Variants in WDFY3 observed in about 807,000 individuals in gnomAD.
The protein encoded by WDFY3 is WD repeat and FYVE domain-containing protein 3.
In WDFY3, 66 loss-of-function variants were observed where a neutral mutation model predicts 409.6. That is an observed-to-expected ratio of 0.16 (90% CI 0.13 to 0.20). The LOEUF is 0.20. Ranked by LOEUF, WDFY3 falls within the 10% of genes least tolerant of loss-of-function variation. The probability of loss-of-function intolerance (pLI) is 1.00; values close to 1 mark genes in which losing one functional copy is unlikely to be tolerated. For synonymous variants in WDFY3, 1,521 were observed against 1,537.1 expected (o/e 0.99, Z 0.25); for missense variants, 3,031 against 4,298.1 (o/e 0.71, Z 8.24).
chr4:84,678,891 G>T, intron 65 of WDFY3, 28 bp downstream of exon 65: 2 of 1,588,736 alleles, frequency 1.3e-6, no homozygotes, highest in South Asian at 1.2e-5. Flanking sequence ...TATAAGGAGT[G>T]AGAAATAGAT....
At chr4:84,864,197 T>C (rs1761054305) in intron 3 of WDFY3, among the ~76,000 whole-genome samples, 1 of 151,810 alleles carries the variant, frequency 6.6e-6, no homozygotes, top group Non-Finnish European at 1.5e-5. Context: ...TGAAATCCTG[T>C]CTCTACTAAA....
chr4:84,925,614 G>C (rs1464817964), intron 2 of WDFY3, among the ~76,000 whole-genome samples: 1 of 152,146 alleles, frequency 6.6e-6, no homozygotes, highest in East Asian at 1.9e-4. Context: ...TTTGAAAAAA[G>C]CTATAAAGGA....
chr4:84,675,445 G>T (rs1035302193), intron 67 of WDFY3, among the ~76,000 whole-genome samples: 15 of 152,174 alleles, frequency 9.9e-5, no homozygotes, highest in African/African-American at 3.6e-4. Flanking sequence ...GCCAGACTCT[G>T]AACTTGGTGC....
intron 3 of WDFY3, among the ~76,000 whole-genome samples, chr4:84,864,689 T>C (rs1285705287): frequency 6.6e-6 from 1 of 152,170 alleles, no homozygotes; most frequent in Admixed American, 6.5e-5. Context: ...AGTACGATAG[T>C]GAAATAGAAC....
Position 84,691,755 on chromosome 4 carries a change from C to G in WDFY3, c.9080G>C (p.Cys3027Ser). Residue 3027 changes from cysteine (C) to serine (S), a missense_variant, in exon 60 of 68, where the codon TGT (cysteine) becomes TCT (serine). Coordinates refer to ENST00000295888, the MANE Select transcript of WDFY3 (RefSeq NM_014991.6). ...ELKEPVGQIV[C>S]TDKGILAVEQ... is the part of the protein sequence containing the mutation. Reference sequence around the variant, plus strand: ...CACCGCAAGAATACCTTTATCTGTACATACGATTTGTCCTACAGGTTCTTT... The same window carrying G: ...CACCGCAAGAATACCTTTATCTGTAGATACGATTTGTCCTACAGGTTCTTT... The G allele has an allele frequency of 6.2e-7, 1 of 1,613,788 alleles. No individual in the cohort carries two copies. Among genetic ancestry groups the G allele is most frequent in the Non-Finnish European group, 8.5e-7 (1 of 1,179,762 alleles).
chr4:84,699,471 T>C (rs868314957), intron 56 of WDFY3, among the ~76,000 whole-genome samples: 7 of 152,236 alleles, frequency 4.6e-5, no homozygotes, highest in African/African-American at 1.7e-4. Context: ...TTGATAGACA[T>C]CTGGGCTGTT....
At chr4:84,959,452 G>T (rs1774649611) in intron 1 of WDFY3, among the ~76,000 whole-genome samples, 1 of 152,174 alleles carries the variant, frequency 6.6e-6, no homozygotes, top group Admixed American at 6.5e-5. Flanking sequence ...TAATACTTCA[G>T]CAGGGAAATA....
Position 84,814,362 on chromosome 4 carries a change from T to C in WDFY3, c.1887+3030A>G, listed in dbSNP as rs188271269. Among the ~76,000 whole-genome samples, 82 of 152,322 alleles carry C rather than the reference T, an allele frequency of 5.4e-4. 1 individual carries two copies. Among genetic ancestry groups the C allele is most frequent in the Middle Eastern group, 3.4e-3 (1 of 294 alleles). On this transcript the variant is annotated intron_variant, in intron 13 of 67. Transcript: ENST00000295888. ...TGTCATCATTTCTCTAAAAATGTAC[T>C]GTTCTTTGCGGAGAATGCTATACAG...
chr4:84,764,363 G>A (rs890186284), intron 32 of WDFY3, among the ~76,000 whole-genome samples: 4 of 152,102 alleles, frequency 2.6e-5, no homozygotes, highest in Non-Finnish European at 5.9e-5. Context: ...CTTCCCCAGA[G>A]TTCATGTAAA....
chr4:84,681,300 CT>C (rs1727306815), intron 64 of WDFY3, among the ~76,000 whole-genome samples: 1 of 152,126 alleles, frequency 6.6e-6, no homozygotes, highest in South Asian at 2.1e-4. Context: ...TACTTAAAAG[CT>C]TTTTAAGGGA....
chr4:84,923,449 TC>T (rs1769546607), intron 2 of WDFY3, among the ~76,000 whole-genome samples: 1 of 152,214 alleles, frequency 6.6e-6, no homozygotes, highest in Admixed American at 6.5e-5. Flanking sequence ...TAAGTGTTTG[TC>T]TCTCACTGCT....
At chr4:84,861,978 G>C (rs896406149) in intron 3 of WDFY3, among the ~76,000 whole-genome samples, 17 of 152,176 alleles carry the variant, frequency 1.1e-4, no homozygotes, top group Non-Finnish European at 2.5e-4. Flanking sequence ...TAGAAAAGCA[G>C]GCAACACCTG....
intron 36 of WDFY3, among the ~76,000 whole-genome samples, chr4:84,749,077 G>A (rs1221169490): frequency 6.6e-6 from 1 of 151,852 alleles, no homozygotes; most frequent in Non-Finnish European, 1.5e-5. Context: ...TGTAAAGATG[G>A]GATTTCACCT....
intron 2 of WDFY3, among the ~76,000 whole-genome samples, chr4:84,917,810 C>T (rs1290229701): frequency 2.0e-5 from 3 of 151,924 alleles, no homozygotes; most frequent in Non-Finnish European, 4.4e-5. Context: ...TTGCAATATA[C>T]ATTACAGATA....
At chr4:84,815,535 C>T (rs1753165771) in intron 13 of WDFY3, among the ~76,000 whole-genome samples, 1 of 152,106 alleles carries the variant, frequency 6.6e-6, no homozygotes, top group African/African-American at 2.4e-5. Flanking sequence ...TCACTTCAAC[C>T]TCTACTTTTT....
rs200026768 is a variant in WDFY3 at position 84,794,547 on chromosome 4, G to A, written c.3459C>T (p.Ser1153=). The change falls in exon 21 of 68, where the codon TCC becomes TCT. Residue 1153 remains serine (S), a synonymous_variant. Coordinates refer to ENST00000295888, the MANE Select transcript of WDFY3 (RefSeq NM_014991.6). ...LSAKDRSLIV[S]TKEELLQNYV... ...AATTTTGGAGGAGTTCCTCTTTGGT[G>A]GAAACAATCAGAGATCGGTCTTTTG... is the stretch of plus-strand genomic sequence containing the variant. The A allele has an allele frequency of 2.5e-6, 4 of 1,613,906 alleles. No homozygotes were observed. Among genetic ancestry groups the A allele is most frequent in the East Asian group, 2.2e-5 (1 of 44,866 alleles).
chr4:84,896,759 T>C lies in WDFY3; in HGVS notation c.-32+152A>G, dbSNP rs1309204036. Among the ~76,000 whole-genome samples the C allele has an allele frequency of 2.0e-5, 3 of 152,172 alleles. No individual in the cohort carries two copies. In the East Asian group the frequency reaches 5.8e-4, roughly 29 times the overall value. ...ATTTTCTATTTCCTAAATATGATAG[T>C]ACAGTAATCAAATTTATAATGGTAG... On this transcript the variant is annotated intron_variant, in intron 3 of 67. Coordinates refer to ENST00000295888, the MANE Select transcript of WDFY3 (RefSeq NM_014991.6).
Position 84,778,587 on chromosome 4 carries a change from A to G in WDFY3, c.4434T>C (p.Ser1478=), listed in dbSNP as rs1292391293. The change falls in exon 27 of 68, where the codon TCT becomes TCC. Residue 1478 remains serine (S), a synonymous_variant. Coordinates refer to ENST00000295888, the MANE Select transcript of WDFY3 (RefSeq NM_014991.6). ...GTCCACTATCAACAGTTCCCACCAA[A>G]GAAAAAGTTAGATGGAGGATGTGGC... ...LNSHILHLTF[S]LVGTVDSGHE... 1 of 1,612,994 alleles carries G rather than the reference A, an allele frequency of 6.2e-7. No individual in the cohort carries two copies. Among genetic ancestry groups the G allele is most frequent in the Admixed American group, 1.7e-5 (1 of 59,640 alleles).
intron 58 of WDFY3, among the ~76,000 whole-genome samples, chr4:84,693,319 C>T (rs1289930019): frequency 2.0e-5 from 3 of 152,176 alleles, no homozygotes. Flanking sequence ...AGTCAATCTA[C>T]AGTTGATTGA....
Sources: gnomAD v4.1 joint callset for allele counts (sites outside exome capture counted in the v4.1 genomes callset) on GRCh38, gnomAD v4.1.1 for gene constraint, MANE v1.5 for transcripts, NCBI Gene and HGNC (gene_info 2026-07-23, HGNC 2026-07-21) for gene names.